Variants in EYS observed in about 807,000 individuals in gnomAD.
The protein encoded by EYS is protein eyes shut homolog.
A neutral mutation model predicts 282.1 loss-of-function variants in EYS; 250 were observed. The observed-to-expected ratio is 0.89, with a 90% CI of 0.80 to 0.98. The LOEUF is 0.98. EYS is among the 50% of genes least tolerant of loss of function. The pLI is 0.00. For synonymous variants in EYS, 1,355 were observed against 1,282.9 expected, an observed-to-expected ratio of 1.06 and a Z score of -1.20; for missense variants, 4,016 against 3,709.0, an observed-to-expected ratio of 1.08 and a Z score of -2.15.
chr6:63,848,408 A>T (rs1772154770), intron 36 of EYS, among the ~76,000 whole-genome samples: 1 of 151,974 alleles, frequency 6.6e-6, no homozygotes, highest in South Asian at 2.1e-4. Context: ...GCCAAATAGG[A>T]ACAGCTCTGG....
chr6:65,539,691 A>C (rs968571331), intron 2 of EYS, among the ~76,000 whole-genome samples: 5 of 152,222 alleles, frequency 3.3e-5, no homozygotes, highest in African/African-American at 1.2e-4. Flanking sequence ...GGTCTGATGA[A>C]GCTTCGTTTT....
chr6:65,584,383 A>G lies in EYS; in HGVS notation c.-333+55395T>C, dbSNP rs540504629. ...ACAACAGAAAATTATCCAATCCAAA[A>G]GAGTAATGTCAACATTAGGAGACCC... On this transcript the variant is annotated intron_variant, in intron 2 of 42. Coordinates refer to ENST00000503581, the MANE Select transcript of EYS (RefSeq NM_001142800.2). Among the ~76,000 whole-genome samples the G allele has an allele frequency of 1.1e-4, 16 of 152,230 alleles. No homozygotes were observed. The East Asian group carries it at 2.3e-3, about 22-fold the overall frequency.
intron 2 of EYS, among the ~76,000 whole-genome samples, chr6:65,591,075 C>T (rs2127367839): frequency 6.6e-6 from 1 of 152,132 alleles, no homozygotes; most frequent in South Asian, 2.1e-4. Context: ...AATGGCTGCA[C>T]TAATTTACAT....
chr6:64,377,438 A>T lies in EYS; in HGVS notation c.6078+11252T>A, dbSNP rs549072701. Among the ~76,000 whole-genome samples, 3 of 152,236 alleles carry T rather than the reference A, an allele frequency of 2.0e-5. No homozygotes were observed. In the South Asian group the frequency reaches 6.2e-4, roughly 32 times the overall value. ...GTGAGGCAGTATAGCGTAGGTTTTA[A>T]AAGTGTGGGTTTGAATTTTGGCCCT... On this transcript the variant is annotated intron_variant, in intron 29 of 42. Coordinates refer to ENST00000503581, the MANE Select transcript of EYS (RefSeq NM_001142800.2).
chr6:64,320,700 C>CTGAT (rs1259949143), intron 29 of EYS, among the ~76,000 whole-genome samples: 2 of 12,586 alleles, frequency 1.6e-4, no homozygotes, highest in Non-Finnish European at 3.6e-4. Context: ...CATTTTTATC[C>CTGAT]TATTGGCCAC....
chr6:65,559,246 G>A (rs1768937570), intron 2 of EYS, among the ~76,000 whole-genome samples: 1 of 152,016 alleles, frequency 6.6e-6, no homozygotes, highest in Non-Finnish European at 1.5e-5. Context: ...AGCTGGGCAT[G>A]GTGGCTTATC....
chr6:65,025,997 C>G (rs1772396902), intron 13 of EYS, among the ~76,000 whole-genome samples: 6 of 152,144 alleles, frequency 3.9e-5, no homozygotes, highest in Admixed American at 3.9e-4. Flanking sequence ...TCTGAAAGTA[C>G]TCTAAATTGC....
At chr6:64,110,854 T>TA (rs112164421) in intron 31 of EYS, among the ~76,000 whole-genome samples, 6,414 of 152,058 alleles carry the variant, frequency 0.042, 397 homozygotes, top group African/African-American at 0.14. Flanking sequence ...GACAGTATTT[T>TA]GGAAGAAAGA....
chr6:64,552,055 C>T (rs1765101772), intron 26 of EYS, among the ~76,000 whole-genome samples: 1 of 152,054 alleles, frequency 6.6e-6, no homozygotes, highest in South Asian at 2.1e-4. Flanking sequence ...CAGGCATGAG[C>T]CACTGCACAT....
intron 8 of EYS, among the ~76,000 whole-genome samples, chr6:65,374,177 A>G (rs954716471): frequency 2.0e-5 from 3 of 152,080 alleles, no homozygotes; most frequent in Admixed American, 6.6e-5. Context: ...TGTATTTCCA[A>G]CTGAGGTACC....
At chr6:65,203,804 GAGA>G (rs1357515967) in intron 12 of EYS, among the ~76,000 whole-genome samples, 3 of 151,850 alleles carry the variant, frequency 2.0e-5, no homozygotes, top group Admixed American at 2.0e-4. Flanking sequence ...TGAGATTCAA[GAGA>G]AGGTTAAAAA....
intron 35 of EYS, among the ~76,000 whole-genome samples, chr6:63,973,520 C>A (rs1766689450): frequency 6.6e-6 from 1 of 152,024 alleles, no homozygotes; most frequent in Non-Finnish European, 1.5e-5. Context: ...ATTATTAGTG[C>A]CGATTTGAAC....
intron 19 of EYS, among the ~76,000 whole-genome samples, chr6:64,870,259 G>C (rs1003049763): frequency 1.3e-5 from 2 of 151,566 alleles, no homozygotes; most frequent in Non-Finnish European, 3.0e-5. Context: ...ATTCATAACA[G>C]CTGAAAATGT....
At chr6:64,603,220 A>G (rs1376122228) in intron 24 of EYS, among the ~76,000 whole-genome samples, 1 of 151,968 alleles carries the variant, frequency 6.6e-6, no homozygotes, top group East Asian at 1.9e-4. Context: ...AGCCCCATTT[A>G]GCTTTTCTTT....
At chr6:65,654,238 A>G (rs1699107275) in intron 1 of EYS, among the ~76,000 whole-genome samples, 1 of 151,896 alleles carries the variant, frequency 6.6e-6, no homozygotes, top group Non-Finnish European at 1.5e-5. Flanking sequence ...AGCCAGAAAT[A>G]GCCTATGAAT....
intron 8 of EYS, among the ~76,000 whole-genome samples, chr6:65,380,225 A>G (rs2150348726): frequency 6.6e-6 from 1 of 152,276 alleles, no homozygotes; most frequent in African/African-American, 2.4e-5. Flanking sequence ...ACTATACTGC[A>G]AGGCTACACA....
At chr6:65,607,197 C>T (rs1582512016) in intron 2 of EYS, among the ~76,000 whole-genome samples, 1 of 151,752 alleles carries the variant, frequency 6.6e-6, no homozygotes, top group East Asian at 1.9e-4. Context: ...TTCAAACTTG[C>T]CTCCAGAATC....
intron 30 of EYS, among the ~76,000 whole-genome samples, chr6:64,241,318 G>A (rs1445143458): frequency 6.6e-6 from 1 of 152,116 alleles, no homozygotes; most frequent in Non-Finnish European, 1.5e-5. Flanking sequence ...CAGAAGGAAT[G>A]GTACCAGCAC....
chr6:65,246,772 T>C (rs1192930536), intron 12 of EYS, among the ~76,000 whole-genome samples: 1 of 152,120 alleles, frequency 6.6e-6, no homozygotes, highest in East Asian at 1.9e-4. Flanking sequence ...ATCAAAAACT[T>C]TTAAAACAAC....
Sources: gnomAD v4.1 joint callset for allele counts (sites outside exome capture counted in the v4.1 genomes callset) on GRCh38, gnomAD v4.1.1 for gene constraint, MANE v1.5 for transcripts, NCBI Gene and HGNC (gene_info 2026-07-23, HGNC 2026-07-21) for gene names.